Variants in B3GALT1 observed in about 807,000 individuals in gnomAD.
The protein encoded by B3GALT1 is beta-1,3-galactosyltransferase 1, also known as UDP-Gal:betaGlcNAc beta 1,3-galactosyltransferase, polypeptide 1.
B3GALT1 carries 10 observed loss-of-function variants against 23.2 expected under a neutral mutation model. The observed-to-expected ratio is 0.43, with a 90% CI of 0.27 to 0.73. B3GALT1 has a LOEUF of 0.73. B3GALT1 is among the 30% of genes least tolerant of loss of function. The probability of loss-of-function intolerance (pLI) is 0.21; values close to 1 mark genes in which losing one functional copy is unlikely to be tolerated. For synonymous variants in B3GALT1, 156 were observed against 141.5 expected (o/e 1.10, Z -0.73); for missense variants, 299 against 405.4 (o/e 0.74, Z 2.25).
At chr2:167,697,505 C>T (rs1408454135) in intron 3 of B3GALT1, among the ~76,000 whole-genome samples, 1 of 152,204 alleles carries the variant, frequency 6.6e-6, no homozygotes, top group Non-Finnish European at 1.5e-5. Context: ...ATGGATTCTT[C>T]CACACAACAA....
intron 1 of B3GALT1, among the ~76,000 whole-genome samples, chr2:167,357,976 T>G (rs955277396): frequency 6.6e-6 from 1 of 152,234 alleles, no homozygotes; most frequent in South Asian, 2.1e-4. Flanking sequence ...TCATTTTATT[T>G]GAATATATCT....
At chr2:167,813,830 C>T (rs189303072) in intron 3 of B3GALT1, among the ~76,000 whole-genome samples, 34 of 152,298 alleles carry the variant, frequency 2.2e-4, no homozygotes, top group East Asian at 5.8e-4. Context: ...TATTTGCATA[C>T]AGCAATTGGA....
At chr2:167,785,027 A>C (rs572261761) in intron 3 of B3GALT1, among the ~76,000 whole-genome samples, 20 of 152,346 alleles carry the variant, frequency 1.3e-4, no homozygotes, top group East Asian at 9.6e-4. Context: ...TGCCGTGTAC[A>C]TCTGACCTAT....
At chr2:167,335,807 C>T (rs1474085224) in intron 1 of B3GALT1, among the ~76,000 whole-genome samples, 1 of 151,964 alleles carries the variant, frequency 6.6e-6, no homozygotes, top group East Asian at 1.9e-4. Flanking sequence ...GTCTTTATGA[C>T]CTGTATCTTT....
chr2:167,321,207 T>C (rs149674554), intron 1 of B3GALT1, among the ~76,000 whole-genome samples: 7 of 152,088 alleles, frequency 4.6e-5, no homozygotes, highest in Non-Finnish European at 7.4e-5. Context: ...AGAAAAAACC[T>C]AAGAAAGGGT....
intron 1 of B3GALT1, among the ~76,000 whole-genome samples, chr2:167,384,223 A>C (rs542394311): frequency 3.9e-5 from 6 of 152,188 alleles, no homozygotes; most frequent in Non-Finnish European, 4.4e-5. Context: ...AGTGTTAGCT[A>C]TTGGTAAAAT....
chr2:167,639,560 T>C (rs1441185291), intron 2 of B3GALT1, among the ~76,000 whole-genome samples: 1 of 150,614 alleles, frequency 6.6e-6, no homozygotes, highest in African/African-American at 2.4e-5. Flanking sequence ...CTATATACCT[T>C]AATTTAATCC....
At chr2:167,466,430 C>T (rs1574091366) in intron 1 of B3GALT1, among the ~76,000 whole-genome samples, 1 of 151,766 alleles carries the variant, frequency 6.6e-6, no homozygotes, top group East Asian at 2.0e-4. Flanking sequence ...CCAGCCTGGT[C>T]AACATGGTGA....
At chr2:167,400,606 G>A (rs1698173011) in intron 1 of B3GALT1, among the ~76,000 whole-genome samples, 1 of 152,082 alleles carries the variant, frequency 6.6e-6, no homozygotes, top group Non-Finnish European at 1.5e-5. Context: ...GCAGAAATTT[G>A]TTGCAGACTC....
intron 2 of B3GALT1, among the ~76,000 whole-genome samples, chr2:167,577,530 C>G (rs1684407755): frequency 6.6e-6 from 1 of 151,736 alleles, no homozygotes; most frequent in African/African-American, 2.4e-5. Context: ...GACAATAAGG[C>G]ATTGCTTTCA....
chr2:167,334,802 A>G (rs1331221921), intron 1 of B3GALT1, among the ~76,000 whole-genome samples: 2 of 152,214 alleles, frequency 1.3e-5, no homozygotes, highest in Non-Finnish European at 2.9e-5. Context: ...TTATTTATAT[A>G]AACTAATTCT....
intron 2 of B3GALT1, among the ~76,000 whole-genome samples, chr2:167,601,349 G>T (rs1305209757): frequency 6.6e-6 from 1 of 152,134 alleles, no homozygotes; most frequent in Non-Finnish European, 1.5e-5. Flanking sequence ...GCCCAGCCTA[G>T]ATCCTCCTTT....
intron 4 of B3GALT1, among the ~76,000 whole-genome samples, chr2:167,833,868 A>G (rs1348755153): frequency 6.6e-6 from 1 of 152,228 alleles, no homozygotes; most frequent in Non-Finnish European, 1.5e-5. Context: ...ATACATCTGT[A>G]TCTAAGGTAC....
intron 3 of B3GALT1, among the ~76,000 whole-genome samples, chr2:167,811,436 G>T (rs906574179): frequency 5.3e-5 from 8 of 152,208 alleles, no homozygotes; most frequent in African/African-American, 1.9e-4. Context: ...CAATTTGGAA[G>T]TAACAGGTGT....
At chr2:167,295,891 G>C (rs530310261) in intron 1 of B3GALT1, among the ~76,000 whole-genome samples, 2 of 151,928 alleles carry the variant, frequency 1.3e-5, no homozygotes, top group African/African-American at 4.8e-5. Flanking sequence ...TTGTGTCAAT[G>C]GTCATAAATA....
chr2:167,747,202 A>T (rs1333949933), intron 3 of B3GALT1, among the ~76,000 whole-genome samples: 1 of 152,090 alleles, frequency 6.6e-6, no homozygotes, highest in African/African-American at 2.4e-5. Context: ...AGTCTCCGGT[A>T]CTCTTAGAGC....
At chr2:167,759,294 A>G (rs145590319) in intron 3 of B3GALT1, among the ~76,000 whole-genome samples, 1,704 of 152,266 alleles carry the variant, frequency 0.011, 23 homozygotes, top group Middle Eastern at 0.017. Flanking sequence ...ACTTGCCTAG[A>G]CTTCAGTTTC....
At chr2:167,470,032 A>C (rs1384368807) in intron 1 of B3GALT1, among the ~76,000 whole-genome samples, 1 of 152,158 alleles carries the variant, frequency 6.6e-6, no homozygotes, top group African/African-American at 2.4e-5. Flanking sequence ...TCCATTCAAT[A>C]ATAAACTCTC....
chr2:167,571,059 A>T (rs1684285494), intron 2 of B3GALT1, among the ~76,000 whole-genome samples: 1 of 151,994 alleles, frequency 6.6e-6, no homozygotes, highest in Non-Finnish European at 1.5e-5. Flanking sequence ...TTCTGGTGAA[A>T]GGGAGATTCT....
Sources: gnomAD v4.1 joint callset for allele counts (sites outside exome capture counted in the v4.1 genomes callset) on GRCh38, gnomAD v4.1.1 for gene constraint, MANE v1.5 for transcripts, NCBI Gene and HGNC (gene_info 2026-07-23, HGNC 2026-07-21) for gene names.